MYH11: variants seen among roughly 807,000 people sequenced by gnomAD.
MYH11 encodes the protein myosin heavy chain 11.
MYH11 carries 80 observed loss-of-function variants against 246.6 expected under a neutral mutation model. That is an observed-to-expected ratio of 0.32 (90% CI 0.27 to 0.39). MYH11 has a LOEUF of 0.39. Among genes scored for constraint, MYH11 ranks in the 10% least tolerant of loss-of-function variants. MYH11 has a pLI of 1.00. For synonymous variants in MYH11, 1,071 were observed against 1,015.5 expected (o/e 1.05, Z -1.04); for missense variants, 2,158 against 2,546.8 (o/e 0.85, Z 3.29).
At chr16:15,764,268 C>G (rs543083127) in intron 9 of MYH11, among the ~76,000 whole-genome samples, 8 of 152,304 alleles carry the variant, frequency 5.3e-5, no homozygotes, top group African/African-American at 1.9e-4. Flanking sequence ...AATTTACTAT[C>G]TGACCCTTTA....
Position 15,760,510 on chromosome 16 carries a change from T to A in MYH11, c.1248+30A>T, listed in dbSNP as rs1263606413. ...ATGAATGGATGGATGGGTGGGTGCA[T>A]GGATGGATAAGTGATAAGTACATCA... On this transcript the variant is annotated intron_variant, in intron 11 of 40. Transcript: ENST00000300036. 2.0e-6 allele frequency: 3 copies of A among 1,493,632 alleles called. No individual in the cohort carries two copies. The African/African-American group carries it at 4.2e-5, about 21-fold the overall frequency. The allele number at this position is 1,493,632 out of a possible 1,614,324, so 92.5% of individuals were successfully genotyped here. A position where few individuals can be genotyped will look rare whatever the true frequency, so the allele number is the denominator to read the frequency against.
intron 6 of MYH11, among the ~76,000 whole-genome samples, chr16:15,780,273 G>T (rs533933775): frequency 1.6e-4 from 16 of 100,478 alleles, no homozygotes; most frequent in African/African-American, 4.0e-4. Context: ...TCACATGTTG[G>T]GGGGGGGCCG....
At chr16:15,815,169 A>G (rs2043235171) in intron 3 of MYH11, among the ~76,000 whole-genome samples, 1 of 152,204 alleles carries the variant, frequency 6.6e-6, no homozygotes, top group Admixed American at 6.5e-5. Context: ...TCCATCAACA[A>G]TTTGGTATCC....
chr16:15,717,945 C>T, intron 37 of MYH11: 1 of 366,380 alleles, frequency 2.7e-6, no homozygotes, highest in Non-Finnish European at 5.2e-6. Context: ...GTCCCTAGTG[C>T]CCACCATGGA....
At chr16:15,719,342 G>C in intron 35 of MYH11, 34 bp from the exon 36 acceptor site, 1 of 1,602,846 alleles carries the variant, frequency 6.2e-7, no homozygotes, top group Non-Finnish European at 8.5e-7. Flanking sequence ...TTGTCTGCCA[G>C]GGAAAGGCCA....
At chr16:15,717,768 C>A in intron 37 of MYH11, 1 of 287,968 alleles carries the variant, frequency 3.5e-6, no homozygotes. Context: ...TGCACTCCAG[C>A]CTGGGCCACA....
intron 40 of MYH11, among the ~76,000 whole-genome samples, chr16:15,712,501 G>C (rs924504073): frequency 2.0e-5 from 3 of 151,836 alleles, no homozygotes; most frequent in African/African-American, 7.3e-5. Flanking sequence ...TATAAAAATA[G>C]GCCAAAAATA....
At chr16:15,794,396 G>T (rs2042693881) in intron 4 of MYH11, among the ~76,000 whole-genome samples, 1 of 152,206 alleles carries the variant, frequency 6.6e-6, no homozygotes, top group African/African-American at 2.4e-5. Flanking sequence ...AAATAAAATT[G>T]AATACAGAGA....
chr16:15,724,935 G>C lies in MYH11; in HGVS notation c.3916C>G (p.Leu1306Val). The C allele has an allele frequency of 6.2e-7, 1 of 1,614,142 alleles. No individual in the cohort carries two copies. Among genetic ancestry groups the C allele is most frequent in the Middle Eastern group, 1.6e-4 (1 of 6,062 alleles). The stretch of plus-strand genomic sequence containing the variant: ...CTGAGGGACGCCACGTCCTTGGCCA[G>C]CTTAATGGCCTTCCCCTCGGCCTCG... ...LNEAEGKAIK[L>V]AKDVASLSSQ... Residue 1306 changes from leucine (L) to valine (V), a missense_variant, in exon 29 of 41, where the codon CTG becomes GTG. This residue lies in a region of MYH11 where 1,013 missense variants were observed against 993.5 expected (regional missense o/e 1.02). Transcript: ENST00000300036.
At chr16:15,767,392 G>A (rs1187123882) in intron 9 of MYH11, among the ~76,000 whole-genome samples, 1 of 152,172 alleles carries the variant, frequency 6.6e-6, no homozygotes, top group African/African-American at 2.4e-5. Context: ...GTGATAAAGA[G>A]TGGAAGCCAC....
At chr16:15,771,524 G>C in intron 9 of MYH11, 45 bp downstream of exon 9, 1 of 1,609,712 alleles carries the variant, frequency 6.2e-7, no homozygotes, top group Non-Finnish European at 8.5e-7. Context: ...AGGTTCCACT[G>C]GTATCCAGGC....
At chr16:15,843,462 G>A (rs1301127549) in intron 1 of MYH11, among the ~76,000 whole-genome samples, 5 of 151,554 alleles carry the variant, frequency 3.3e-5, no homozygotes, top group Admixed American at 6.6e-5. Context: ...AGGCTGAGGC[G>A]GGCAGATCAC....
chr16:15,747,109 A>G (rs1000023648), intron 19 of MYH11, among the ~76,000 whole-genome samples: 1 of 151,990 alleles, frequency 6.6e-6, no homozygotes, highest in African/African-American at 2.4e-5. Flanking sequence ...AAGGAAGAAG[A>G]AAGGAAGGAA....
At chr16:15,727,962 C>A (rs190282788) in intron 27 of MYH11, among the ~76,000 whole-genome samples, 2 of 152,282 alleles carry the variant, frequency 1.3e-5, no homozygotes, top group East Asian at 3.9e-4. Context: ...CAAAGTGAGA[C>A]CCTGTTTCAG....
rs142886425 is a variant in MYH11, at chr16:15,724,975, G to T, written c.3876C>A (p.Val1292=). 1 of 1,613,916 alleles carries T rather than the reference G, an allele frequency of 6.2e-7. No homozygotes were observed. Among genetic ancestry groups the T allele is most frequent in the African/African-American group, 1.3e-5 (1 of 74,914 alleles). ...CCTCGGCCTCGTTAAGCATCCCTGT[G>T]ACGCTCTCAACTTCATTCTAAGGGT... ...VHKLQNEVES[V]TGMLNEAEGK... is the part of the protein sequence containing the mutation. The change falls in exon 29 of 41, where the codon GTC becomes GTA. Residue 1292 remains valine (V), a synonymous_variant. Transcript: ENST00000300036.
At chr16:15,707,260 C>G (rs1033679440) in intron 40 of MYH11, among the ~76,000 whole-genome samples, 2 of 152,146 alleles carry the variant, frequency 1.3e-5, no homozygotes, top group African/African-American at 4.8e-5. Flanking sequence ...TGGTCCTGAC[C>G]TCAAGTTATC....
chr16:15,774,030 T>A (rs925799033), intron 8 of MYH11, among the ~76,000 whole-genome samples: 1 of 152,190 alleles, frequency 6.6e-6, no homozygotes, highest in Non-Finnish European at 1.5e-5. Context: ...TCGGTTATAC[T>A]TTTGGAGAGA....
intron 40 of MYH11, among the ~76,000 whole-genome samples, chr16:15,709,799 G>C (rs1402780053): frequency 6.6e-6 from 1 of 152,196 alleles, no homozygotes; most frequent in African/African-American, 2.4e-5. Context: ...CCTGTCCCTT[G>C]GTTTATGATT....
chr16:15,745,176 C>T lies in MYH11; in HGVS notation c.2473G>A (p.Ala825Thr), dbSNP rs748629055. 6.2e-6 allele frequency: 10 copies of T among 1,614,008 alleles called. No individual in the cohort carries two copies. In the Admixed American group the frequency reaches 6.7e-5, roughly 11 times the overall value. Residue 825 changes from alanine (A) to threonine (T), a missense_variant, in exon 20 of 41, where the codon GCC becomes ACC. Transcript: ENST00000300036. ...AMKVIQRNCAAYLKLRNWQWW... is the reference protein window; with the variant it reads ...AMKVIQRNCATYLKLRNWQWW... ...TGCCAGTTCCGCAGCTTGAGGTAGGCGGCGCAGTTCCTCTGAATCACCTTC... is the reference window on the plus strand; with the variant it reads ...TGCCAGTTCCGCAGCTTGAGGTAGGTGGCGCAGTTCCTCTGAATCACCTTC...
Sources: gnomAD v4.1 joint callset for allele counts (sites outside exome capture counted in the v4.1 genomes callset) on GRCh38, gnomAD v4.1.1 for gene constraint, gnomAD v4.1.1 regional missense constraint, MANE v1.5 for transcripts, NCBI Gene and HGNC (gene_info 2026-07-23, HGNC 2026-07-21) for gene names.